The following FBRSL1 variants were observed in gnomAD, a reference collection of about 807,000 sequenced individuals.
FBRSL1 encodes the protein fibrosin-1-like protein.
A neutral mutation model predicts 89.6 loss-of-function variants in FBRSL1; 51 were observed. That is an observed-to-expected ratio of 0.57 (90% CI 0.45 to 0.72). The LOEUF is 0.72. Ranked by LOEUF, FBRSL1 falls within the 30% of genes least tolerant of loss-of-function variation. The probability of loss-of-function intolerance (pLI) is 0.00; values close to 1 mark genes in which losing one functional copy is unlikely to be tolerated. For synonymous variants in FBRSL1, 779 were observed against 681.1 expected, an observed-to-expected ratio of 1.14 and a Z score of -2.24; for missense variants, 1,618 against 1,451.8, an observed-to-expected ratio of 1.11 and a Z score of -1.86.
At chr12:132,533,978 G>A (rs950454970) in intron 4 of FBRSL1, among the ~76,000 whole-genome samples, 3 of 152,198 alleles carry the variant, frequency 2.0e-5, no homozygotes, top group Non-Finnish European at 4.4e-5. Flanking sequence ...GCCACTGTGG[G>A]AGAGAACAGG....
chr12:132,555,274 G>A (rs868159039), intron 5 of FBRSL1, among the ~76,000 whole-genome samples: 3 of 152,110 alleles, frequency 2.0e-5, no homozygotes, highest in African/African-American at 4.8e-5. Context: ...GGGGGGTCAC[G>A]GCTTTCTCTG....
intron 2 of FBRSL1, among the ~76,000 whole-genome samples, chr12:132,520,088 C>T (rs535413247): frequency 1.3e-5 from 2 of 149,218 alleles, no homozygotes; most frequent in East Asian, 2.0e-4. Context: ...CTCCTTGCAC[C>T]CCTCCAGCAC....
chr12:132,582,259 C>G lies in FBRSL1; in HGVS notation c.2194C>G (p.Gln732Glu). Reference sequence around the variant, plus strand: ...AGAGCCGGACAATGGCAAGGAGGAGCAGGAACGGTGAGTGGCCCTCTTGTT... The same window carrying G: ...AGAGCCGGACAATGGCAAGGAGGAGGAGGAACGGTGAGTGGCCCTCTTGTT... ...DREPDNGKEE[Q>E]ERDLLEKTRL... is the part of the protein sequence containing the mutation. The change falls in exon 18 of 19, where the codon CAG becomes GAG. Residue 732 changes from glutamine to glutamate, a missense_variant. Physicochemically the swap from Gln to Glu is conservative, Grantham distance 29. Transcript: ENST00000680143. The G allele has an allele frequency of 6.5e-7, 1 of 1,549,882 alleles. No homozygotes were observed. Among genetic ancestry groups the G allele is most frequent in the Non-Finnish European group, 8.7e-7 (1 of 1,146,722 alleles).
intron 5 of FBRSL1, among the ~76,000 whole-genome samples, chr12:132,550,476 G>A (rs957659148): frequency 7.8e-4 from 119 of 152,110 alleles, no homozygotes; most frequent in African/African-American, 2.7e-3. Flanking sequence ...CTGTTGGGGG[G>A]CAGCTCCCGG....
chr12:132,494,968 G>A (rs1285021689), intron 1 of FBRSL1, among the ~76,000 whole-genome samples: 2 of 152,242 alleles, frequency 1.3e-5, no homozygotes, highest in South Asian at 2.1e-4. Flanking sequence ...GCTACTGATC[G>A]TGTGCGGCCC....
At position 132,516,692 on chromosome 12, in the gene FBRSL1, C is replaced by T. The variant is rs566869146; in HGVS notation, c.489+8342C>T. The stretch of plus-strand genomic sequence containing the variant: ...CAACCCTGTAACTATTCCCATTTGC[C>T]GGATGAGGATGCTGAAGAAAAAAAG... On this transcript the variant is annotated intron_variant, in intron 2 of 18. Coordinates refer to ENST00000680143, the MANE Select transcript of FBRSL1 (RefSeq NM_001367871.1). Among the ~76,000 whole-genome samples, 432 of 152,210 alleles carry T rather than the reference C, an allele frequency of 2.8e-3. 2 individuals carry two copies. The highest frequency in any genetic ancestry group is 0.014 in the Middle Eastern group (4 of 294).
At chr12:132,552,121 G>A (rs1253705659) in intron 5 of FBRSL1, 1 of 185,866 alleles carries the variant, frequency 5.4e-6, no homozygotes, top group Admixed American at 5.3e-5. Flanking sequence ...TGCAAAATGG[G>A]GCCACAGTGG....
At position 132,521,612 on chromosome 12, in the gene FBRSL1, G is replaced by A. The variant is rs564537049; in HGVS notation, c.490-4122G>A. 4.6e-5 allele frequency among the ~76,000 whole-genome samples: 7 copies of A among 152,352 alleles called. 1 individual carries two copies. The highest frequency in any genetic ancestry group is 4.6e-4 in the Admixed American group (7 of 15,306). Reference sequence around the variant, plus strand: ...GCCAGTCTCAGTTCATGCCCCTGTAGGATAGTCCTTGTCTGAATGTGATGC... The same window carrying A: ...GCCAGTCTCAGTTCATGCCCCTGTAAGATAGTCCTTGTCTGAATGTGATGC... On this transcript the variant is annotated intron_variant, in intron 2 of 18. Coordinates refer to ENST00000680143, the MANE Select transcript of FBRSL1 (RefSeq NM_001367871.1).
intron 2 of FBRSL1, among the ~76,000 whole-genome samples, chr12:132,516,646 A>G (rs1399897252): frequency 6.6e-6 from 1 of 152,174 alleles, no homozygotes; most frequent in African/African-American, 2.4e-5. Context: ...ACCAGTTAAC[A>G]TGCATCAGCT....
At chr12:132,571,259 G>C in intron 9 of FBRSL1, 28 bp downstream of exon 9, 1 of 1,478,782 alleles carries the variant, frequency 6.8e-7, no homozygotes, top group Non-Finnish European at 9.1e-7. Context: ...CCCGCCGGGA[G>C]CCCGCGGCCA....
chr12:132,493,140 C>T (rs557398601), intron 1 of FBRSL1, among the ~76,000 whole-genome samples: 5 of 152,364 alleles, frequency 3.3e-5, no homozygotes, highest in South Asian at 2.1e-4. Flanking sequence ...CACGCCTGTC[C>T]GGCCTTAGAG....
intron 2 of FBRSL1, among the ~76,000 whole-genome samples, chr12:132,513,483 C>A (rs1488431796): frequency 1.3e-5 from 2 of 152,168 alleles, no homozygotes; most frequent in African/African-American, 4.8e-5. Context: ...GACCCTGTTG[C>A]TGCCTCAGGA....
chr12:132,578,439 C>T (rs117553254), intron 15 of FBRSL1, among the ~76,000 whole-genome samples: 3,578 of 152,042 alleles, frequency 0.024, 60 homozygotes, highest in Non-Finnish European at 0.035. Context: ...CATCCTCGTC[C>T]TCACACGGAG....
intron 5 of FBRSL1, among the ~76,000 whole-genome samples, chr12:132,567,065 T>G (rs2039677231): frequency 4.6e-5 from 7 of 152,096 alleles, no homozygotes; most frequent in Admixed American, 4.6e-4. Flanking sequence ...GTCCCGGGGC[T>G]CTCCATCATC....
At chr12:132,548,889 G>T (rs10870465) in intron 5 of FBRSL1, among the ~76,000 whole-genome samples, 26 of 152,044 alleles carry the variant, frequency 1.7e-4, no homozygotes, top group Admixed American at 5.2e-4. Context: ...GACGATTCTC[G>T]CCCTGAGCCA....
At chr12:132,561,384 C>T (rs559801180) in intron 5 of FBRSL1, among the ~76,000 whole-genome samples, 1 of 152,122 alleles carries the variant, frequency 6.6e-6, no homozygotes, top group African/African-American at 2.4e-5. Context: ...TGTGTTCGAA[C>T]CTGGGACGTG....
At position 132,490,747 on chromosome 12, in the gene FBRSL1, C is replaced by T; in HGVS notation, c.177C>T (p.Pro59=). 1 of 1,042,758 alleles carries T rather than the reference C, an allele frequency of 9.6e-7. No homozygotes were observed. Among genetic ancestry groups the T allele is most frequent in the Non-Finnish European group, 1.1e-6 (1 of 871,938 alleles). 64.6% of individuals were successfully genotyped at this position (1,042,758 alleles called of 1,614,324 possible). The change falls in exon 1 of 19, where the codon CCC becomes CCT. Residue 59 remains proline (P), a synonymous_variant. Transcript: ENST00000680143. The part of the protein sequence containing the change: ...LRGAPPRGAA[P]APRTARPPRR... ...GCGCGCCCCCCCGAGGCGCCGCCCC[C>T]GCGCCCCGCACCGCGCGTCCCCCGC...
chr12:132,578,368 A>ACACACACACACAC (rs1566244750), intron 15 of FBRSL1, among the ~76,000 whole-genome samples: 1 of 26,550 alleles, frequency 3.8e-5, no homozygotes, highest in African/African-American at 1.0e-4. Flanking sequence ...CACACACACA[A>ACACACACACACAC]AATCATAGAG....
chr12:132,571,012 G>A (rs1255237876), intron 8 of FBRSL1, 56 bp from the exon 9 acceptor site: 4 of 1,258,380 alleles, frequency 3.2e-6, no homozygotes, highest in African/African-American at 1.5e-5. Flanking sequence ...CTGGCCTGCG[G>A]GTGGCTGGAC....
Sources: gnomAD v4.1 joint callset for allele counts (sites outside exome capture counted in the v4.1 genomes callset) on GRCh38, gnomAD v4.1.1 for gene constraint, MANE v1.5 for transcripts, NCBI Gene and HGNC (gene_info 2026-07-23, HGNC 2026-07-21) for gene names.